Variants in RAD52 observed in about 807,000 individuals in gnomAD.
The protein encoded by RAD52 is DNA repair protein RAD52 homolog.
RAD52 carries 47 observed loss-of-function variants against 55.5 expected under a neutral mutation model. The observed-to-expected ratio is 0.85, with a 90% confidence interval of 0.67 to 1.08. The LOEUF (loss-of-function observed/expected upper bound fraction) is 1.08, where lower values mean the gene tolerates loss of function less well. Ranked by LOEUF, RAD52 falls within the 50% of genes least tolerant of loss-of-function variation. The probability of loss-of-function intolerance (pLI) is 0.00; values close to 1 mark genes in which losing one functional copy is unlikely to be tolerated. For synonymous variants in RAD52, 184 were observed against 198.9 expected (o/e 0.92, Z 0.63); for missense variants, 468 against 522.8 (o/e 0.90, Z 1.02).
chr12:920,559 CAAAA>C (rs35033819), intron 7 of RAD52, among the ~76,000 whole-genome samples: 1 of 105,836 alleles, frequency 9.4e-6, no homozygotes, highest in Non-Finnish European at 2.0e-5. Context: ...GACTCCGTCT[CAAAA>C]AAAAAAAAAA....
Position 969,773 on chromosome 12 carries a change from G to A in RAD52, c.-19+20036C>T, listed in dbSNP as rs376350666. Among the ~76,000 whole-genome samples the A allele has an allele frequency of 5.9e-5, 9 of 151,308 alleles. No individual in the cohort carries two copies. In the East Asian group the frequency reaches 1.6e-3, roughly 26 times the overall value. ...CCACTGCACTCCAGCCTGGGTGACA[G>A]AGCAAGACCCTGACTCTTAAAAAAA... is the stretch of plus-strand genomic sequence containing the variant. On this transcript the variant is annotated intron_variant, in intron 1 of 11. Transcript: ENST00000430095.
chr12:913,380 C>A lies in RAD52; in HGVS notation c.*11G>T. 1 of 1,589,792 alleles carries A rather than the reference C, an allele frequency of 6.3e-7. No individual in the cohort carries two copies. The highest frequency in any genetic ancestry group is 1.1e-5 in the South Asian group (1 of 89,902). On this transcript the variant is annotated 3_prime_UTR_variant, in exon 12 of 12. Coordinates refer to ENST00000358495, the MANE Select transcript of RAD52 (RefSeq NM_134424.4). Reference sequence around the variant, plus strand: ...TTGTGACAGAGTCCAATTATGTGGCCTGAGCCTCAGTTAAGATGGATCATA... The same window carrying A: ...TTGTGACAGAGTCCAATTATGTGGCATGAGCCTCAGTTAAGATGGATCATA...
chr12:913,251 C>T lies in RAD52; in HGVS notation c.*140G>A, dbSNP rs1197840416. 4 of 728,570 alleles carry T rather than the reference C, an allele frequency of 5.5e-6. No individual in the cohort carries two copies. The highest frequency in any genetic ancestry group is 5.3e-5 in the African/African-American group (3 of 56,144). The allele number at this position is 728,570 out of a possible 1,614,324, so 45.1% of individuals were successfully genotyped here. ...AACTGCAGTGGGCTCTCAGTCAGAT[C>T]CTCTTGATAAGGTTCAGAATGAAGC... On this transcript the variant is annotated 3_prime_UTR_variant, in exon 12 of 12. Coordinates refer to ENST00000358495, the MANE Select transcript of RAD52 (RefSeq NM_134424.4).
At chr12:936,631 T>C (rs1957647743) in intron 1 of RAD52, among the ~76,000 whole-genome samples, 1 of 152,138 alleles carries the variant, frequency 6.6e-6, no homozygotes. Flanking sequence ...TAGACAGGAC[T>C]ACAGGTGAGT....
chr12:979,739 T>C lies in RAD52; in HGVS notation c.-19+10070A>G, dbSNP rs376837398. On this transcript the variant is annotated intron_variant, in intron 1 of 11. Coordinates refer to the RAD52 transcript ENST00000430095. ...ATTTCTGTTATTTAAGCCACCCACT[T>C]TGCAGTATTTTATTATGGCAGCTCT... Among the ~76,000 whole-genome samples, 16 of 152,200 alleles carry C rather than the reference T, an allele frequency of 1.1e-4. No homozygotes were observed. The South Asian group carries it at 2.9e-3, about 28-fold the overall frequency.
rs1335737391 is a variant in RAD52, at chr12:921,903, C to T, written c.543+3547G>A. 2.6e-5 allele frequency among the ~76,000 whole-genome samples: 4 copies of T among 151,706 alleles called. No homozygotes were observed. The East Asian group carries it at 5.9e-4, about 22-fold the overall frequency. ...GGCGGATCACCTGAGGTCAGGAGTT[C>T]GAGACCAGCCTGACCAACATGGTGA... On this transcript the variant is annotated intron_variant, in intron 7 of 11. Coordinates refer to ENST00000358495, the MANE Select transcript of RAD52 (RefSeq NM_134424.4).
chr12:956,827 G>A (rs1461737066), intron 1 of RAD52, among the ~76,000 whole-genome samples: 5 of 152,268 alleles, frequency 3.3e-5, no homozygotes, highest in African/African-American at 9.6e-5. Flanking sequence ...GATTACAGGC[G>A]TGAGCCACCG....
At chr12:948,645 G>A (rs1426530706) in intron 1 of RAD52, among the ~76,000 whole-genome samples, 2 of 151,836 alleles carry the variant, frequency 1.3e-5, no homozygotes, top group African/African-American at 2.4e-5. Context: ...GCAACAGAGC[G>A]AGACTATGTC....
chr12:931,746 C>T (rs986385817), intron 2 of RAD52, among the ~76,000 whole-genome samples: 3 of 152,180 alleles, frequency 2.0e-5, no homozygotes, highest in East Asian at 1.9e-4. Context: ...AATGTTCTGC[C>T]TCCAGATCTG....
upstream of RAD52, among the ~76,000 whole-genome samples, chr12:953,763 A>G (rs558215088): frequency 1.9e-3 from 288 of 152,326 alleles, 4 homozygotes; most frequent in Non-Finnish European, 2.1e-3. Flanking sequence ...CTGCCACAGC[A>G]TTTCCCATGG....
At chr12:972,190 G>C (rs1360516797) in intron 1 of RAD52, among the ~76,000 whole-genome samples, 1 of 152,116 alleles carries the variant, frequency 6.6e-6, no homozygotes, top group Non-Finnish European at 1.5e-5. Flanking sequence ...CACTAGGGGT[G>C]AAACAGGTAA....
At position 914,507 on chromosome 12, in the gene RAD52, C is replaced by T. The variant is rs373796726; in HGVS notation, c.891G>A (p.Thr297=). 191 of 1,613,630 alleles carry T rather than the reference C, an allele frequency of 1.2e-4. No individual in the cohort carries two copies. The highest frequency in any genetic ancestry group is 1.7e-4 in the Admixed American group (10 of 59,918). Residue 297 remains threonine, a synonymous_variant, in exon 10 of 12, where the codon ACG becomes ACA. Transcript: ENST00000358495. Reference sequence around the variant, plus strand: ...CTGAGACAGTTACAGGAGTGCTGTGCGTCACAGGAGGGGCCGGAGGCGCTG... The same window carrying T: ...CTGAGACAGTTACAGGAGTGCTGTGTGTCACAGGAGGGGCCGGAGGCGCTG... ...SEAAPPAPPV[T]HSTPVTVSEP...
At chr12:980,533 A>G (rs1002453103) in intron 1 of RAD52, among the ~76,000 whole-genome samples, 1 of 151,024 alleles carries the variant, frequency 6.6e-6, no homozygotes, top group Non-Finnish European at 1.5e-5. Flanking sequence ...ACCTCAAGTG[A>G]TCCGCCTGTC....
intron 1 of RAD52, among the ~76,000 whole-genome samples, chr12:945,465 A>G (rs10849597): frequency 0.98 from 148,305 of 150,818 alleles, 72,960 homozygotes; most frequent in East Asian, 1. Flanking sequence ...AGGGGGAGAC[A>G]CTCTGTTGCC....
chr12:940,627 A>C (rs936777585), intron 1 of RAD52, among the ~76,000 whole-genome samples: 4 of 152,060 alleles, frequency 2.6e-5, no homozygotes, highest in Admixed American at 1.3e-4. Flanking sequence ...AAACAAAACA[A>C]AACAAAACCA....
chr12:959,783 T>C (rs931631950), intron 1 of RAD52, among the ~76,000 whole-genome samples: 1 of 152,134 alleles, frequency 6.6e-6, no homozygotes, highest in Non-Finnish European at 1.5e-5. Context: ...GAGTTGGAAG[T>C]TTCTGATCAG....
At chr12:952,117 C>G (rs1958536947), upstream of RAD52, among the ~76,000 whole-genome samples, 1 of 152,150 alleles carries the variant, frequency 6.6e-6, no homozygotes, top group African/African-American at 2.4e-5. Flanking sequence ...AGGCTACATG[C>G]CCAGCTAAGT....
At chr12:916,127 G>GA in intron 9 of RAD52, 3 of 1,263,452 alleles carry the variant, frequency 2.4e-6, no homozygotes, top group East Asian at 3.1e-5. Context: ...TTCCACGGGG[G>GA]AAAAAAGAAA....
intron 1 of RAD52, among the ~76,000 whole-genome samples, chr12:981,196 G>T (rs758502764): frequency 3.3e-5 from 5 of 151,880 alleles, no homozygotes; most frequent in African/African-American, 1.2e-4. Context: ...AGCCAGATGT[G>T]GGGGCAAGTG....
Sources: allele counts gnomAD v4.1 joint callset (sites outside exome capture counted in the v4.1 genomes callset), GRCh38; gene constraint gnomAD v4.1.1; transcripts MANE v1.5; gene names NCBI Gene and HGNC (gene_info 2026-07-23, HGNC 2026-07-21).